The following MAGI1 variants were observed in gnomAD, a reference collection of about 807,000 sequenced individuals.
MAGI1 encodes membrane-associated guanylate kinase, WW and PDZ domain-containing protein 1.
MAGI1 carries 58 observed loss-of-function variants against 139.9 expected under a neutral mutation model. That is an observed-to-expected ratio of 0.41 (90% CI 0.34 to 0.52). The LOEUF is 0.52. Ranked by LOEUF, MAGI1 falls within the 20% of genes least tolerant of loss-of-function variation. The pLI, the probability that MAGI1 is intolerant of heterozygous loss-of-function variation, is 0.12. For synonymous variants in MAGI1, 812 were observed against 737.9 expected (o/e 1.10, Z -1.63); for missense variants, 1,874 against 1,901.6 (o/e 0.99, Z 0.27).
intron 1 of MAGI1, among the ~76,000 whole-genome samples, chr3:65,766,814 G>A (rs2037516800): frequency 6.6e-6 from 1 of 151,528 alleles, no homozygotes; most frequent in Non-Finnish European, 1.5e-5. Context: ...GCTTAAACCT[G>A]GGAGGCAGAG....
chr3:65,912,991 G>C (rs1025782319), intron 1 of MAGI1, among the ~76,000 whole-genome samples: 3 of 152,106 alleles, frequency 2.0e-5, no homozygotes, highest in African/African-American at 4.8e-5. Flanking sequence ...AGCCATAAGG[G>C]GCTGGGCGCA....
chr3:65,427,204 TG>T (rs1359162932), intron 12 of MAGI1, among the ~76,000 whole-genome samples: 1 of 151,926 alleles, frequency 6.6e-6, no homozygotes, highest in Non-Finnish European at 1.5e-5. Flanking sequence ...CTCAGCTACT[TG>T]GGGGGCTAAG....
intron 2 of MAGI1, among the ~76,000 whole-genome samples, chr3:65,620,859 T>C (rs1676003035): frequency 6.6e-6 from 1 of 152,232 alleles, no homozygotes; most frequent in Admixed American, 6.5e-5. Context: ...CCAGGGGCTA[T>C]TCTAGAATCT....
intron 12 of MAGI1, among the ~76,000 whole-genome samples, chr3:65,409,015 C>T (rs1393107739): frequency 1.3e-5 from 2 of 152,114 alleles, no homozygotes; most frequent in Admixed American, 6.5e-5. Context: ...CAGGCTGTGC[C>T]GGGGATGCAC....
intron 2 of MAGI1, chr3:65,499,008 A>G: frequency 3.0e-6 from 3 of 985,022 alleles, no homozygotes; most frequent in Non-Finnish European, 3.6e-6. Context: ...AACAAGAAAC[A>G]TACTTACCTG....
At chr3:65,789,458 T>C (rs1477107264) in intron 1 of MAGI1, among the ~76,000 whole-genome samples, 2 of 152,166 alleles carry the variant, frequency 1.3e-5, no homozygotes, top group African/African-American at 4.8e-5. Context: ...ACAAGGAACA[T>C]TTTGCTTGGC....
chr3:65,956,212 G>A lies in MAGI1; in HGVS notation c.313+81784C>T, dbSNP rs568503197. On this transcript the variant is annotated intron_variant, in intron 1 of 22. Transcript: ENST00000402939. ...AATGTAGCTAGCCGCATCTTCCTGT[G>A]ACTCACTGTTTGATAATAACTATGG... is the stretch of plus-strand genomic sequence containing the variant. 2.6e-5 allele frequency among the ~76,000 whole-genome samples: 4 copies of A among 152,266 alleles called. No homozygotes were observed. The South Asian group carries it at 8.3e-4, about 32-fold the overall frequency.
At chr3:65,842,174 A>T (rs887371630) in intron 1 of MAGI1, among the ~76,000 whole-genome samples, 3 of 152,176 alleles carry the variant, frequency 2.0e-5, no homozygotes, top group African/African-American at 7.2e-5. Context: ...CTAGAGAGCA[A>T]GAAGAAACTG....
At chr3:65,765,254 T>A (rs1473893067) in intron 1 of MAGI1, among the ~76,000 whole-genome samples, 1 of 152,180 alleles carries the variant, frequency 6.6e-6, no homozygotes, top group Non-Finnish European at 1.5e-5. Context: ...ATAGGTCTGG[T>A]TTTGGGAATG....
intron 2 of MAGI1, among the ~76,000 whole-genome samples, chr3:65,592,149 A>T (rs1162863373): frequency 6.6e-6 from 1 of 152,222 alleles, no homozygotes; most frequent in East Asian, 1.9e-4. Context: ...TGTTAAATAA[A>T]TACTTGTTGA....
chr3:65,594,328 T>A (rs573708746), intron 2 of MAGI1, among the ~76,000 whole-genome samples: 21 of 152,330 alleles, frequency 1.4e-4, no homozygotes, highest in African/African-American at 5.1e-4. Context: ...AAACATTGTT[T>A]AGTCATAATT....
At chr3:65,980,795 C>T (rs752390943) in intron 1 of MAGI1, among the ~76,000 whole-genome samples, 4 of 152,052 alleles carry the variant, frequency 2.6e-5, no homozygotes, top group African/African-American at 9.7e-5. Context: ...GAGCTTACCC[C>T]GTCCAATGTT....
At chr3:65,846,080 G>A (rs937657626) in intron 1 of MAGI1, among the ~76,000 whole-genome samples, 6 of 152,176 alleles carry the variant, frequency 3.9e-5, no homozygotes, top group African/African-American at 1.4e-4. Context: ...CATTTGCCAA[G>A]GTCAGAAGCC....
chr3:65,548,086 G>C (rs2079589472), intron 2 of MAGI1, among the ~76,000 whole-genome samples: 1 of 152,192 alleles, frequency 6.6e-6, no homozygotes, highest in African/African-American at 2.4e-5. Context: ...GCAATAACCA[G>C]CTCTGCAGAC....
chr3:65,958,946 C>T (rs2064270218), intron 1 of MAGI1, among the ~76,000 whole-genome samples: 1 of 151,718 alleles, frequency 6.6e-6, no homozygotes, highest in Admixed American at 6.6e-5. Flanking sequence ...GAGATCGTGC[C>T]ACTGCACTCC....
intron 1 of MAGI1, among the ~76,000 whole-genome samples, chr3:65,634,176 T>C (rs1172993822): frequency 1.3e-5 from 2 of 152,104 alleles, no homozygotes; most frequent in East Asian, 3.9e-4. Flanking sequence ...GGGACTCAAA[T>C]CCGGGGGAGT....
intron 1 of MAGI1, among the ~76,000 whole-genome samples, chr3:65,850,430 G>A (rs1471168727): frequency 4.6e-5 from 7 of 152,110 alleles, no homozygotes; most frequent in African/African-American, 1.7e-4. Context: ...AAACCAGGAT[G>A]GCTAGTCATC....
chr3:65,986,958 C>T (rs986831041), intron 1 of MAGI1, among the ~76,000 whole-genome samples: 3 of 150,774 alleles, frequency 2.0e-5, no homozygotes, highest in African/African-American at 4.9e-5. Context: ...GTAACCTCCA[C>T]TTCCCAGGTT....
chr3:65,963,744 T>C (rs993750569), intron 1 of MAGI1, among the ~76,000 whole-genome samples: 6 of 152,220 alleles, frequency 3.9e-5, no homozygotes, highest in African/African-American at 9.7e-5. Flanking sequence ...ACTATTTTAC[T>C]TGAAATCGCA....
Sources: allele counts gnomAD v4.1 joint callset (sites outside exome capture counted in the v4.1 genomes callset), GRCh38; gene constraint gnomAD v4.1.1; transcripts MANE v1.5; gene names NCBI Gene and HGNC (gene_info 2026-07-23, HGNC 2026-07-21).